ADD3: variants seen among roughly 807,000 people sequenced by gnomAD.
The protein encoded by ADD3 is adducin 3.
A neutral mutation model predicts 80.2 loss-of-function variants in ADD3; 25 were observed. That is an observed-to-expected ratio of 0.31 (90% confidence interval 0.23 to 0.44). ADD3 has a LOEUF of 0.44. Among genes scored for constraint, ADD3 ranks in the 20% least tolerant of loss-of-function variants. The probability of loss-of-function intolerance (pLI) is 1.00; values close to 1 mark genes in which losing one functional copy is unlikely to be tolerated. For synonymous variants in ADD3, 284 were observed against 289.6 expected (o/e 0.98, Z 0.20); for missense variants, 829 against 847.5 (o/e 0.98, Z 0.27).
chr10:110,085,033 C>T (rs1408865617), intron 1 of ADD3, among the ~76,000 whole-genome samples: 2 of 152,152 alleles, frequency 1.3e-5, no homozygotes, highest in Admixed American at 6.5e-5. Context: ...TTTATCTTCT[C>T]ATTATTTCCA....
At chr10:110,068,883 C>T (rs561898060) in intron 1 of ADD3, among the ~76,000 whole-genome samples, 2 of 152,110 alleles carry the variant, frequency 1.3e-5, no homozygotes, top group South Asian at 4.2e-4. Context: ...TTGAGATCAG[C>T]CTGGGCAACG....
At chr10:110,019,681 C>G (rs1853437829) in intron 1 of ADD3, among the ~76,000 whole-genome samples, 1 of 152,046 alleles carries the variant, frequency 6.6e-6, no homozygotes, top group South Asian at 2.1e-4. Flanking sequence ...AATATGTGAG[C>G]CATTGGGATA....
intron 1 of ADD3, among the ~76,000 whole-genome samples, chr10:110,098,099 A>T (rs950389923): frequency 1.3e-5 from 2 of 152,084 alleles, no homozygotes; most frequent in Non-Finnish European, 2.9e-5. Context: ...CATGACCTTG[A>T]CATGATTGAA....
At chr10:110,092,999 C>A (rs1278032741) in intron 1 of ADD3, among the ~76,000 whole-genome samples, 1 of 152,098 alleles carries the variant, frequency 6.6e-6, no homozygotes, top group Non-Finnish European at 1.5e-5. Flanking sequence ...GCTAGGATTA[C>A]AGACACATGC....
chr10:110,013,588 A>T (rs995149919), intron 1 of ADD3, among the ~76,000 whole-genome samples: 1 of 152,248 alleles, frequency 6.6e-6, no homozygotes, highest in African/African-American at 2.4e-5. Context: ...TAGTGAAACA[A>T]TAAAATAACA....
chr10:110,097,365 G>A (rs543351618), intron 1 of ADD3, among the ~76,000 whole-genome samples: 1 of 152,158 alleles, frequency 6.6e-6, no homozygotes, highest in East Asian at 1.9e-4. Flanking sequence ...TGAAAATTGT[G>A]GTATTAATAT....
chr10:110,041,123 T>G (rs2133295209), intron 1 of ADD3, among the ~76,000 whole-genome samples: 1 of 152,326 alleles, frequency 6.6e-6, no homozygotes, highest in Middle Eastern at 3.4e-3. Flanking sequence ...TTTTTCAACA[T>G]TTGAAGATTG....
At chr10:110,092,326 C>T (rs1441824715) in intron 1 of ADD3, among the ~76,000 whole-genome samples, 2 of 152,134 alleles carry the variant, frequency 1.3e-5, no homozygotes, top group Non-Finnish European at 2.9e-5. Context: ...ACCTAGATGT[C>T]CATAACAGTG....
At chr10:110,112,959 C>A in intron 3 of ADD3, 44 bp downstream of exon 3, 1 of 1,582,852 alleles carries the variant, frequency 6.3e-7, no homozygotes. Context: ...ATTTTACTTC[C>A]ACTTTGGACC....
chr10:110,095,351 A>G (rs1220579463), intron 1 of ADD3, among the ~76,000 whole-genome samples: 1 of 152,256 alleles, frequency 6.6e-6, no homozygotes, highest in Non-Finnish European at 1.5e-5. Flanking sequence ...CTCCAAAAAT[A>G]AATCTCATTG....
chr10:110,014,966 C>G (rs1589726658), intron 1 of ADD3, among the ~76,000 whole-genome samples: 1 of 151,664 alleles, frequency 6.6e-6, no homozygotes, highest in East Asian at 2.0e-4. Context: ...CTCCGACTCC[C>G]TGGTTCAAGT....
At chr10:110,038,837 C>T (rs1309787651) in intron 1 of ADD3, among the ~76,000 whole-genome samples, 1 of 152,102 alleles carries the variant, frequency 6.6e-6, no homozygotes, top group Non-Finnish European at 1.5e-5. Flanking sequence ...TAACTACACA[C>T]ATTATACAAC....
upstream of ADD3, chr10:110,005,962 A>G: frequency 4.6e-6 from 1 of 217,054 alleles, no homozygotes; most frequent in South Asian, 5.9e-5. Flanking sequence ...CTTACTACTC[A>G]GCATTGAGAG....
At chr10:110,132,586 A>G (rs981515322) in intron 14 of ADD3, 186 bp downstream of exon 14, 8 of 559,320 alleles carry the variant, frequency 1.4e-5, no homozygotes, top group African/African-American at 5.7e-5. Flanking sequence ...TTCAGCATTT[A>G]TATTGATTTA....
At chr10:110,044,854 A>G (rs1050256235) in intron 1 of ADD3, among the ~76,000 whole-genome samples, 3 of 152,228 alleles carry the variant, frequency 2.0e-5, no homozygotes, top group African/African-American at 4.8e-5. Flanking sequence ...TAGTAAAACT[A>G]TGTGTATAAC....
At position 110,017,886 on chromosome 10, in the gene ADD3, G is replaced by C. The variant is rs1435349604; in HGVS notation, c.-30+9587G>C. ...TTGTTAACACATTTTGAGCATAAAAGGTATCTTGTTTAAAAAGGTTGGGGA... is the reference window on the plus strand; with the variant it reads ...TTGTTAACACATTTTGAGCATAAAACGTATCTTGTTTAAAAAGGTTGGGGA... On this transcript the variant is annotated intron_variant, in intron 1 of 14. Coordinates refer to ENST00000356080, the MANE Select transcript of ADD3 (RefSeq NM_016824.5). Among the ~76,000 whole-genome samples the C allele has an allele frequency of 3.4e-4, 51 of 152,060 alleles. 1 individual carries two copies. The highest frequency in any genetic ancestry group is 3.3e-3 in the Admixed American group (51 of 15,268).
At chr10:110,058,635 T>G (rs1478699134) in intron 1 of ADD3, among the ~76,000 whole-genome samples, 3 of 152,152 alleles carry the variant, frequency 2.0e-5, no homozygotes, top group African/African-American at 7.2e-5. Flanking sequence ...AATTTGAAAA[T>G]AATTCTATAG....
chr10:109,998,381 T>C (rs937950754), intron 1 of ADD3, among the ~76,000 whole-genome samples: 2 of 152,114 alleles, frequency 1.3e-5, no homozygotes. Flanking sequence ...ATACCCAAGA[T>C]CTTTCACTTC....
chr10:110,091,586 C>T lies in ADD3; in HGVS notation c.-29-9039C>T, dbSNP rs567218114. The stretch of plus-strand genomic sequence containing the variant: ...GGGATAATTGACTAGCCATCATATG[C>T]AGAAGATTGAAACTGGACCTTTTCC... On this transcript the variant is annotated intron_variant, in intron 1 of 14. Transcript: ENST00000356080. 3.9e-5 allele frequency among the ~76,000 whole-genome samples: 6 copies of T among 152,232 alleles called. No homozygotes were observed. The South Asian group carries it at 1.2e-3, about 32-fold the overall frequency.
Sources: allele counts gnomAD v4.1 joint callset (sites outside exome capture counted in the v4.1 genomes callset), GRCh38; gene constraint gnomAD v4.1.1; transcripts MANE v1.5; gene names NCBI Gene and HGNC (gene_info 2026-07-23, HGNC 2026-07-21).